KIRREL3: variants seen among roughly 807,000 people sequenced by gnomAD.
KIRREL3 encodes the protein kirre like nephrin family adhesion molecule 3.
Under a neutral mutation model 89.7 loss-of-function variants are expected in KIRREL3, and 36 were observed. The ratio of observed to expected loss-of-function variants is 0.40; its 90% confidence interval spans 0.31 to 0.53. The LOEUF is 0.53. Among genes scored for constraint, KIRREL3 ranks in the 20% least tolerant of loss-of-function variants. The pLI, the probability that KIRREL3 is intolerant of heterozygous loss-of-function variation, is 0.49. For synonymous variants in KIRREL3, 445 were observed against 441.4 expected, an observed-to-expected ratio of 1.01 and a Z score of -0.10; for missense variants, 864 against 1,056.6, an observed-to-expected ratio of 0.82 and a Z score of 2.53.
rs1942641258 is a variant in KIRREL3, at chr11:126,601,211, G to A, written c.56-38299C>T. On this transcript the variant is annotated intron_variant, in intron 1 of 16. Transcript: ENST00000525144. This position sits in a 1 kb window ranked among gnomAD's most constrained non-coding sequence, Gnocchi z 5.8. The stretch of plus-strand genomic sequence containing the variant: ...ATTTATGTCTCTTCATGCTCTTGTT[G>A]ACAATAATAACTGATTGCTGCATCA... 6.6e-6 allele frequency among the ~76,000 whole-genome samples: 1 copy of A among 152,110 alleles called. No homozygotes were observed. Among genetic ancestry groups the A allele is most frequent in the African/African-American group, 2.4e-5 (1 of 41,396 alleles).
chr11:126,944,010 C>T (rs1231228844), intron 1 of KIRREL3, among the ~76,000 whole-genome samples: 1 of 152,140 alleles, frequency 6.6e-6, no homozygotes, highest in Non-Finnish European at 1.5e-5. Flanking sequence ...TCCCCTGAAG[C>T]AGGTGGTAAG....
intron 1 of KIRREL3, among the ~76,000 whole-genome samples, chr11:126,625,977 G>A (rs530715761): frequency 1.3e-5 from 2 of 152,258 alleles, no homozygotes; most frequent in Admixed American, 6.5e-5. Context: ...TGCGGTTGGG[G>A]GCTGTGTCTT....
chr11:126,692,572 A>AT lies in KIRREL3; in HGVS notation c.56-129661_56-129660insA, dbSNP rs1555176685. Among the ~76,000 whole-genome samples, 939 of 148,018 alleles carry AT rather than the reference A, an allele frequency of 6.3e-3. 38 individuals carry two copies. The highest frequency in any genetic ancestry group is 0.023 in the African/African-American group (891 of 39,012). ...AAAAAAAAAAAAAAAAAAAAAAAAA[A>AT]GGAGGTGGAAACAACCCAAGTATTC... On this transcript the variant is annotated intron_variant, in intron 1 of 16. Coordinates refer to ENST00000525144, the MANE Select transcript of KIRREL3 (RefSeq NM_032531.4).
intron 5 of KIRREL3, among the ~76,000 whole-genome samples, chr11:126,470,647 C>T (rs957572339): frequency 2.0e-5 from 3 of 152,178 alleles, no homozygotes; most frequent in Admixed American, 6.5e-5. Context: ...TGTATTTCCC[C>T]AGTCTCTGAG....
intron 1 of KIRREL3, among the ~76,000 whole-genome samples, chr11:126,863,437 G>A (rs1362148638): frequency 6.7e-4 from 91 of 136,738 alleles, no homozygotes; most frequent in Non-Finnish European, 6.6e-4. Flanking sequence ...GTGTGAGTGC[G>A]TGTGTGAGTG....
rs749683995 is a variant in KIRREL3, at chr11:126,867,132, G to A, written c.55+133323C>T. ...ACACTCAACCCTACATGCTGCCTTG[G>A]GGTTGGAGCCCAAAAAACGTTCCCC... On this transcript the variant is annotated intron_variant, in intron 1 of 16. Transcript: ENST00000525144. This position sits in a 1 kb window ranked among gnomAD's most constrained non-coding sequence, Gnocchi z 4.7. 1.3e-4 allele frequency among the ~76,000 whole-genome samples: 20 copies of A among 152,216 alleles called. No individual in the cohort carries two copies. The highest frequency in any genetic ancestry group is 4.6e-4 in the Admixed American group (7 of 15,286).
intron 3 of KIRREL3, among the ~76,000 whole-genome samples, chr11:126,524,301 A>T (rs1958682179): frequency 6.6e-6 from 1 of 152,244 alleles, no homozygotes; most frequent in Admixed American, 6.5e-5. Context: ...TATAAATGCC[A>T]ATTTAAATGA....
intron 2 of KIRREL3, among the ~76,000 whole-genome samples, chr11:126,547,780 C>T (rs902041383): frequency 1.9e-4 from 29 of 152,186 alleles, no homozygotes; most frequent in Admixed American, 2.6e-4. Flanking sequence ...CAGGGACCCA[C>T]AATAGGGGCT....
intron 1 of KIRREL3, among the ~76,000 whole-genome samples, chr11:126,660,076 A>G (rs1945325548): frequency 6.6e-6 from 1 of 152,304 alleles, no homozygotes; most frequent in East Asian, 1.9e-4. Context: ...GAGACCTCCA[A>G]TAGCCCTGCT....
rs1469869900 is a variant in KIRREL3 at position 126,736,236 on chromosome 11, T to C, written c.56-173324A>G. Among the ~76,000 whole-genome samples, 1 of 152,232 alleles carries C rather than the reference T, an allele frequency of 6.6e-6. No individual in the cohort carries two copies. Among genetic ancestry groups the C allele is most frequent in the Non-Finnish European group, 1.5e-5 (1 of 68,036 alleles). On this transcript the variant is annotated intron_variant, in intron 1 of 16. Coordinates refer to ENST00000525144, the MANE Select transcript of KIRREL3 (RefSeq NM_032531.4). This position sits in a 1 kb window ranked among gnomAD's most constrained non-coding sequence, Gnocchi z 5.0. The stretch of plus-strand genomic sequence containing the variant: ...AATAATAGCACCATTTATGGGGCCA[T>C]ACACTATACGCTAGAAGTTTTACAC...
intron 1 of KIRREL3, among the ~76,000 whole-genome samples, chr11:126,619,856 TA>T (rs1164121402): frequency 1.3e-5 from 2 of 152,212 alleles, no homozygotes; most frequent in Non-Finnish European, 2.9e-5. Flanking sequence ...CCACCAGTCT[TA>T]AGACCCCCAA....
chr11:126,900,336 G>A lies in KIRREL3; in HGVS notation c.55+100119C>T, dbSNP rs1946325523. 6.6e-6 allele frequency among the ~76,000 whole-genome samples: 1 copy of A among 152,176 alleles called. No individual in the cohort carries two copies. The highest frequency in any genetic ancestry group is 2.4e-5 in the African/African-American group (1 of 41,430). ...TTTAGAACTACTCAGAGTCTTCCTT[G>A]AGTGCAAGCAGTTCCGGCTTGTGAG... On this transcript the variant is annotated intron_variant, in intron 1 of 16. Coordinates refer to ENST00000525144, the MANE Select transcript of KIRREL3 (RefSeq NM_032531.4). The surrounding 1 kb of genome is among the most constrained non-coding windows in gnomAD (Gnocchi z 4.4).
rs964799389 is a variant in KIRREL3 at position 126,430,453 on chromosome 11, C to A, written c.1696+966G>T. On this transcript the variant is annotated intron_variant, in intron 14 of 16. Coordinates refer to ENST00000525144, the MANE Select transcript of KIRREL3 (RefSeq NM_032531.4). The surrounding 1 kb of genome is among the most constrained non-coding windows in gnomAD (Gnocchi z 6.6). ...GAGAGAGACCCTATATAAAAAAAAA[C>A]CGTATATATATGTGTATATATGCGT... 3.9e-5 allele frequency among the ~76,000 whole-genome samples: 6 copies of A among 152,084 alleles called. No individual in the cohort carries two copies. The highest frequency in any genetic ancestry group is 4.2e-4 in the South Asian group (2 of 4,808).
chr11:126,424,268 G>A lies in KIRREL3; in HGVS notation c.*312C>T, dbSNP rs1565437440. 2.3e-6 allele frequency: 1 copy of A among 444,090 alleles called. No individual in the cohort carries two copies. The highest frequency in any genetic ancestry group is 4.1e-6 in the Non-Finnish European group (1 of 241,926). 27.5% of individuals were successfully genotyped at this position (444,090 alleles called of 1,614,324 possible). A position where few individuals can be genotyped will look rare whatever the true frequency, so the allele number is the denominator to read the frequency against. On this transcript the variant is annotated 3_prime_UTR_variant, in exon 17 of 17. Transcript: ENST00000525144. ...AAGCAGAGTTATAGCTGCCACTTGT[G>A]CCTGTGGGCAGAGCAGGTGGTAGAG...
At chr11:126,589,346 G>C (rs4937155) in intron 1 of KIRREL3, among the ~76,000 whole-genome samples, 18,262 of 152,158 alleles carry the variant, frequency 0.12, 1,169 homozygotes, top group East Asian at 0.21. Context: ...ACTCTTCCTG[G>C]ATGGGGGCAC....
In KIRREL3 at chr11:126,761,375, C is replaced by A. The variant is rs1949662409; in HGVS notation, c.56-198463G>T. ...TTCCTACTCGCTGGGGCCTGTGAGG[C>A]ACAGCAACTTGCCTGCTTGTCCCCA... is the stretch of plus-strand genomic sequence containing the variant. On this transcript the variant is annotated intron_variant, in intron 1 of 16. Coordinates refer to ENST00000525144, the MANE Select transcript of KIRREL3 (RefSeq NM_032531.4). This position sits in a 1 kb window ranked among gnomAD's most constrained non-coding sequence, Gnocchi z 4.4. 2.0e-5 allele frequency among the ~76,000 whole-genome samples: 3 copies of A among 152,032 alleles called. No homozygotes were observed. Among genetic ancestry groups the A allele is most frequent in the Admixed American group, 1.3e-4 (2 of 15,268 alleles).
rs1476084280 is a variant in KIRREL3 at position 126,496,877 on chromosome 11, T to A, written c.434-23411A>T. Among the ~76,000 whole-genome samples the A allele has an allele frequency of 1.3e-5, 2 of 152,048 alleles. No homozygotes were observed. Among genetic ancestry groups the A allele is most frequent in the African/African-American group, 2.4e-5 (1 of 41,402 alleles). ...CTGGAAGCTGGGGCCAGTTCTCCAG[T>A]GCCTCAATGTCCCGGAATTGCTTCT... On this transcript the variant is annotated intron_variant, in intron 4 of 16. Transcript: ENST00000525144. This position sits in a 1 kb window ranked among gnomAD's most constrained non-coding sequence, Gnocchi z 4.9.
chr11:126,885,496 A>G (rs1565383247), intron 1 of KIRREL3, among the ~76,000 whole-genome samples: 2 of 152,222 alleles, frequency 1.3e-5, no homozygotes, highest in African/African-American at 4.8e-5. Context: ...AGCATCCCTA[A>G]GATCTATTTA....
intron 1 of KIRREL3, among the ~76,000 whole-genome samples, chr11:126,921,322 A>G (rs1947266093): frequency 6.6e-6 from 1 of 152,180 alleles, no homozygotes; most frequent in Non-Finnish European, 1.5e-5. Flanking sequence ...CAGAAGGTTT[A>G]TCATGGGACT....
Sources: gnomAD v4.1 joint callset for allele counts (sites outside exome capture counted in the v4.1 genomes callset) on GRCh38, gnomAD v4.1.1 for gene constraint, Gnocchi (gnomAD v3.1) non-coding constraint, MANE v1.5 for transcripts, NCBI Gene and HGNC (gene_info 2026-07-23, HGNC 2026-07-21) for gene names.